The following ASXL2 variants were observed in gnomAD, a reference collection of about 807,000 sequenced individuals.
ASXL2 encodes putative Polycomb group protein ASXL2.
Under a neutral mutation model 122.0 loss-of-function variants are expected in ASXL2, and 23 were observed. The ratio of observed to expected loss-of-function variants is 0.19; its 90% CI spans 0.14 to 0.27. The LOEUF is 0.27. ASXL2 is among the 10% of genes least tolerant of loss of function. The pLI, the probability that ASXL2 is intolerant of heterozygous loss-of-function variation, is 1.00. For synonymous variants in ASXL2, 650 were observed against 637.0 expected (o/e 1.02, Z -0.31); for missense variants, 1,518 against 1,713.8 (o/e 0.89, Z 2.02).
chr2:25,811,327 A>G (rs966864265), intron 3 of ASXL2, among the ~76,000 whole-genome samples: 1 of 151,940 alleles, frequency 6.6e-6, no homozygotes, highest in East Asian at 1.9e-4. Context: ...GCTTTCCACA[A>G]AAGAGAAAAA....
chr2:25,793,502 T>C (rs1213363985), intron 5 of ASXL2, among the ~76,000 whole-genome samples: 1 of 152,160 alleles, frequency 6.6e-6, no homozygotes, highest in Non-Finnish European at 1.5e-5. Flanking sequence ...ATCTCTGACT[T>C]AAATTTTTAT....
chr2:25,867,223 G>C (rs2089916220), intron 1 of ASXL2, among the ~76,000 whole-genome samples: 2 of 152,016 alleles, frequency 1.3e-5, no homozygotes, highest in Admixed American at 1.3e-4. Context: ...TTTTAGTAGA[G>C]ACAGGTTCTA....
intron 3 of ASXL2, among the ~76,000 whole-genome samples, chr2:25,808,311 G>A (rs577381917): frequency 1.6e-4 from 24 of 152,280 alleles, no homozygotes; most frequent in African/African-American, 4.6e-4. Flanking sequence ...AAAAAGGGCA[G>A]AACTGAGAAA....
Position 25,744,583 on chromosome 2 carries a change from C to T in ASXL2, c.1861-107G>A, listed in dbSNP as rs1359163564. ...TTAAAAACAGATGAACACTACAGTA[C>T]CTGTGACAAACATGGGTGGTCTATG... On this transcript the variant is annotated intron_variant, in intron 12 of 12. Coordinates refer to ENST00000435504, the MANE Select transcript of ASXL2 (RefSeq NM_018263.6). This position sits in a 1 kb window ranked among gnomAD's most constrained non-coding sequence, Gnocchi z 4.7. 3.9e-5 allele frequency: 49 copies of T among 1,265,588 alleles called. No homozygotes were observed. The highest frequency in any genetic ancestry group is 2.0e-4 in the Middle Eastern group (1 of 5,070). The allele number at this position is 1,265,588 out of a possible 1,614,324, so 78.4% of individuals were successfully genotyped here.
chr2:25,779,894 T>C (rs1457282036), intron 5 of ASXL2, among the ~76,000 whole-genome samples: 1 of 152,062 alleles, frequency 6.6e-6, no homozygotes, highest in Non-Finnish European at 1.5e-5. Context: ...TTTAAGACAG[T>C]TTTGTTCTTG....
chr2:25,802,632 G>C (rs1168737642), intron 4 of ASXL2, among the ~76,000 whole-genome samples: 1 of 152,110 alleles, frequency 6.6e-6, no homozygotes. Flanking sequence ...CTCTTGGTGA[G>C]CTACTGCATA....
At chr2:25,878,095 T>C (rs2090025082) in intron 1 of ASXL2, 71 bp downstream of exon 1, 1 of 1,592,088 alleles carries the variant, frequency 6.3e-7, no homozygotes, top group Admixed American at 1.7e-5. Flanking sequence ...GTGACCTCCC[T>C]TTCCCTGCGA....
Position 25,743,969 on chromosome 2 carries a change from T to A in ASXL2, c.2368A>T (p.Thr790Ser). 7.4e-6 allele frequency: 12 copies of A among 1,613,998 alleles called. No homozygotes were observed. The highest frequency in any genetic ancestry group is 1.0e-5 in the Non-Finnish European group (12 of 1,179,874). ...ATGTGGGCTGGTGATGGGACACTTG[T>A]GCATGCTCCACTGACGGCAGGTGTT... ...PPTPAVSGAC[T>S]SVPSPAHIEK... Residue 790 changes from threonine (T) to serine (S), a missense_variant, in exon 13 of 13, where the codon ACA (threonine) becomes TCA (serine). By Grantham distance (58) the Thr-to-Ser change is moderately conservative (BLOSUM62 1). Transcript: ENST00000435504.
At chr2:25,872,577 GATAA>G (rs1467028377) in intron 1 of ASXL2, among the ~76,000 whole-genome samples, 1 of 151,996 alleles carries the variant, frequency 6.6e-6, no homozygotes, top group Non-Finnish European at 1.5e-5. Flanking sequence ...CAACAAAACA[GATAA>G]ATCACTAGCA....
intron 6 of ASXL2, 40 bp downstream of exon 6, chr2:25,771,388 CGTTTTAAATACA>C: frequency 6.7e-7 from 1 of 1,500,862 alleles, no homozygotes. Context: ...CAGAGGTGTG[CGTTTTAAATACA>C]GGAAATTCTA....
intron 3 of ASXL2, among the ~76,000 whole-genome samples, chr2:25,806,977 A>G (rs1340509961): frequency 2.0e-5 from 3 of 151,996 alleles, no homozygotes; most frequent in Non-Finnish European, 4.4e-5. Context: ...CACCAACCAA[A>G]TATTTTAAAA....
intron 5 of ASXL2, among the ~76,000 whole-genome samples, chr2:25,771,959 T>C (rs997520110): frequency 2.0e-5 from 3 of 152,204 alleles, no homozygotes; most frequent in Admixed American, 2.0e-4. Flanking sequence ...CCATTCGACC[T>C]CAAAACTCTA....
At chr2:25,754,362 A>T (rs2088096775) in intron 10 of ASXL2, among the ~76,000 whole-genome samples, 2 of 152,180 alleles carry the variant, frequency 1.3e-5, no homozygotes, top group Admixed American at 1.3e-4. Context: ...GCTCTCTTTT[A>T]TACTCTAATA....
At chr2:25,805,480 T>G (rs2089067845) in intron 4 of ASXL2, among the ~76,000 whole-genome samples, 1 of 151,900 alleles carries the variant, frequency 6.6e-6, no homozygotes, top group Non-Finnish European at 1.5e-5. Context: ...TGTCTTTTTG[T>G]ACTTATCTAA....
At chr2:25,804,993 C>T (rs985045672) in intron 4 of ASXL2, among the ~76,000 whole-genome samples, 2 of 151,942 alleles carry the variant, frequency 1.3e-5, no homozygotes, top group African/African-American at 2.4e-5. Flanking sequence ...GAGGTTGTAG[C>T]GAACCAAGAC....
intron 9 of ASXL2, among the ~76,000 whole-genome samples, chr2:25,757,674 CAAAAAAAAAA>C (rs60732948): frequency 1.7e-4 from 6 of 35,818 alleles, no homozygotes; most frequent in Non-Finnish European, 1.8e-4. Context: ...GACTCCATCT[CAAAAAAAAAA>C]AAAAAAAAAA....
intron 8 of ASXL2, among the ~76,000 whole-genome samples, chr2:25,765,555 G>C (rs531888584): frequency 1.3e-5 from 2 of 151,794 alleles, no homozygotes; most frequent in Admixed American, 1.3e-4. Context: ...TTCCCTTTAC[G>C]CTCATTTGCT....
At chr2:25,868,227 T>C (rs935985324) in intron 1 of ASXL2, among the ~76,000 whole-genome samples, 5 of 152,244 alleles carry the variant, frequency 3.3e-5, no homozygotes, top group Admixed American at 1.3e-4. Context: ...ACTAACACCA[T>C]TGAACACTTA....
At chr2:25,843,997 G>A (rs964937490) in intron 2 of ASXL2, among the ~76,000 whole-genome samples, 1 of 151,938 alleles carries the variant, frequency 6.6e-6, no homozygotes, top group Non-Finnish European at 1.5e-5. Flanking sequence ...GTGAAGCAAC[G>A]TCCAACACAA....
Sources: gnomAD v4.1 joint callset for allele counts (sites outside exome capture counted in the v4.1 genomes callset) on GRCh38, gnomAD v4.1.1 for gene constraint, Gnocchi (gnomAD v3.1) non-coding constraint, MANE v1.5 for transcripts, NCBI Gene and HGNC (gene_info 2026-07-23, HGNC 2026-07-21) for gene names.